The following LRP1B variants were observed in gnomAD, a reference collection of about 807,000 sequenced individuals.
LRP1B encodes the protein LDL receptor related protein 1B, also known as low-density lipoprotein receptor-related protein 1B.
A neutral mutation model predicts 556.6 loss-of-function variants in LRP1B; 217 were observed. That is an observed-to-expected ratio of 0.39 (90% CI 0.35 to 0.44). The LOEUF is 0.44. Ranked by LOEUF, LRP1B falls within the 20% of genes least tolerant of loss-of-function variation. The probability of loss-of-function intolerance (pLI) is 1.00; values close to 1 mark genes in which losing one functional copy is unlikely to be tolerated. For missense variants in LRP1B, 5,053 were observed against 5,620.8 expected (o/e 0.90, Z 3.23); for synonymous variants, 2,047 against 1,865.8 (o/e 1.10, Z -2.50).
rs79727580 is a variant in LRP1B at position 141,019,643 on chromosome 2, C to G, written c.1970+279G>C. On this transcript the variant is annotated intron_variant, in intron 12 of 90. Coordinates refer to ENST00000389484, the MANE Select transcript of LRP1B (RefSeq NM_018557.3). ...TTGAATTGATTATTTATCTTGGTGT[C>G]AGGCTGCTTAAAGTACAGAATTATA... Among the ~76,000 whole-genome samples the G allele has an allele frequency of 1.9e-3, 289 of 152,040 alleles. 13 individuals carry two copies. In the East Asian group the frequency reaches 0.056, roughly 29 times the overall value.
intron 1 of LRP1B, among the ~76,000 whole-genome samples, chr2:142,053,646 G>T (rs879735194): frequency 2.0e-5 from 3 of 152,130 alleles, no homozygotes; most frequent in African/African-American, 7.2e-5. Flanking sequence ...ATGCATGAAA[G>T]GCAGTTGGAT....
intron 37 of LRP1B, among the ~76,000 whole-genome samples, chr2:140,712,492 C>T (rs1687067388): frequency 6.6e-6 from 1 of 151,874 alleles, no homozygotes; most frequent in Non-Finnish European, 1.5e-5. Context: ...AAGGCTCCTC[C>T]TATGCTCCCT....
chr2:140,547,998 G>C (rs981870876), intron 43 of LRP1B, among the ~76,000 whole-genome samples: 6 of 149,266 alleles, frequency 4.0e-5, no homozygotes, highest in Admixed American at 3.3e-4. Context: ...AATGATTACT[G>C]CAAAGGAATG....
At chr2:141,769,328 A>G (rs557583336) in intron 2 of LRP1B, among the ~76,000 whole-genome samples, 286 of 152,328 alleles carry the variant, frequency 1.9e-3, no homozygotes, top group Non-Finnish European at 3.1e-3. Context: ...AATTCCCACC[A>G]TTAATGCCAC....
intron 3 of LRP1B, among the ~76,000 whole-genome samples, chr2:141,478,501 C>T (rs1325289657): frequency 6.7e-6 from 1 of 148,908 alleles, no homozygotes; most frequent in Non-Finnish European, 1.5e-5. Context: ...TCCTTCTTTC[C>T]TTCTTTCCCT....
At chr2:141,457,302 A>T (rs532272035) in intron 3 of LRP1B, among the ~76,000 whole-genome samples, 3 of 152,198 alleles carry the variant, frequency 2.0e-5, no homozygotes, top group Non-Finnish European at 2.9e-5. Flanking sequence ...GGAATAATAG[A>T]TTAGGGTAAA....
At chr2:141,921,033 A>G (rs1574494086) in intron 1 of LRP1B, among the ~76,000 whole-genome samples, 1 of 152,166 alleles carries the variant, frequency 6.6e-6, no homozygotes, top group East Asian at 1.9e-4. Flanking sequence ...CACATCTTCA[A>G]ACTTCAACAT....
intron 87 of LRP1B, among the ~76,000 whole-genome samples, chr2:140,241,638 T>C (rs1680952232): frequency 6.6e-6 from 1 of 150,844 alleles, no homozygotes; most frequent in African/African-American, 2.4e-5. Context: ...GATATGTTTA[T>C]GTAACCAATC....
intron 66 of LRP1B, among the ~76,000 whole-genome samples, chr2:140,415,148 C>G (rs965439359): frequency 2.0e-5 from 3 of 152,108 alleles, no homozygotes; most frequent in Non-Finnish European, 4.4e-5. Flanking sequence ...GGGGTCAGAC[C>G]GGTTCTCTGC....
intron 1 of LRP1B, among the ~76,000 whole-genome samples, chr2:141,892,252 G>A (rs1279077439): frequency 1.3e-5 from 2 of 151,752 alleles, no homozygotes; most frequent in African/African-American, 4.8e-5. Flanking sequence ...TTTAATAAAG[G>A]TTAAATATAT....
Position 140,541,852 on chromosome 2 carries a change from A to G in LRP1B, c.7314T>C (p.Asp2438=). ...GAATATCGGAACGAAGAATTTTTGT[A>G]TCTCCTCCTGTGTACTTGTTGGACC... ...ILRSNKYTGG[D]TKILRSDIPH... Residue 2438 remains aspartate (D), a synonymous_variant, in exon 44 of 91, where the codon GAT becomes GAC. Coordinates refer to ENST00000389484, the MANE Select transcript of LRP1B (RefSeq NM_018557.3). 1 of 1,612,904 alleles carries G rather than the reference A, an allele frequency of 6.2e-7. No individual in the cohort carries two copies. The highest frequency in any genetic ancestry group is 1.7e-5 in the Admixed American group (1 of 59,930).
At chr2:141,639,280 G>A (rs1574176954) in intron 2 of LRP1B, among the ~76,000 whole-genome samples, 2 of 126,358 alleles carry the variant, frequency 1.6e-5, no homozygotes, top group African/African-American at 6.0e-5. Context: ...TTCATTGCTG[G>A]ACCCAGGAGT....
chr2:141,644,009 AGTGT>A (rs1157822442), intron 2 of LRP1B, among the ~76,000 whole-genome samples: 4 of 26,074 alleles, frequency 1.5e-4, no homozygotes, highest in African/African-American at 3.6e-4. Flanking sequence ...GAATGTGGAG[AGTGT>A]GTGTGTGTGT....
intron 2 of LRP1B, among the ~76,000 whole-genome samples, chr2:141,719,512 C>T (rs1692739128): frequency 6.6e-6 from 1 of 152,036 alleles, no homozygotes; most frequent in African/African-American, 2.4e-5. Flanking sequence ...TTAATGAGAA[C>T]TATAACAATA....
intron 2 of LRP1B, among the ~76,000 whole-genome samples, chr2:141,760,907 C>T (rs1395457475): frequency 1.3e-5 from 2 of 152,124 alleles, no homozygotes; most frequent in African/African-American, 2.4e-5. Context: ...TTACTCTCCC[C>T]ACTTTACTTT....
chr2:142,037,177 G>A (rs1478678606), intron 1 of LRP1B, among the ~76,000 whole-genome samples: 1 of 151,568 alleles, frequency 6.6e-6, no homozygotes, highest in Non-Finnish European at 1.5e-5. Flanking sequence ...AATTCCTGAG[G>A]AAAAACAACA....
At chr2:141,826,956 T>G (rs1487862062) in intron 1 of LRP1B, among the ~76,000 whole-genome samples, 3 of 152,212 alleles carry the variant, frequency 2.0e-5, no homozygotes, top group Non-Finnish European at 2.9e-5. Flanking sequence ...CCTGAAACAT[T>G]TTCGTCTTGC....
At chr2:141,882,070 T>C (rs969894155) in intron 1 of LRP1B, among the ~76,000 whole-genome samples, 1 of 152,060 alleles carries the variant, frequency 6.6e-6, no homozygotes, top group African/African-American at 2.4e-5. Context: ...AGAGATGTTT[T>C]TAATTCCTAA....
chr2:141,911,235 G>A (rs1699900352), intron 1 of LRP1B, among the ~76,000 whole-genome samples: 1 of 152,146 alleles, frequency 6.6e-6, no homozygotes, highest in African/African-American at 2.4e-5. Flanking sequence ...CCTCAAACCG[G>A]TTTTGTATTA....
Sources: gnomAD v4.1 joint callset for allele counts (sites outside exome capture counted in the v4.1 genomes callset) on GRCh38, gnomAD v4.1.1 for gene constraint, MANE v1.5 for transcripts, NCBI Gene and HGNC (gene_info 2026-07-23, HGNC 2026-07-21) for gene names.